Variants in PPAN observed in about 807,000 individuals in gnomAD.
PPAN encodes the protein suppressor of SWI4 1 homolog.
In PPAN, 39 loss-of-function variants were observed where a neutral mutation model predicts 48.5. The ratio of observed to expected loss-of-function variants is 0.80; its 90% CI spans 0.62 to 1.05. The LOEUF is 1.05. Ranked by LOEUF, PPAN falls within the 50% of genes least tolerant of loss-of-function variation. The pLI is 0.00. For missense variants in PPAN, 736 were observed against 661.7 expected, an observed-to-expected ratio of 1.11 and a Z score of -1.23; for synonymous variants, 315 against 268.6, an observed-to-expected ratio of 1.17 and a Z score of -1.69.
Position 10,107,970 on chromosome 19 carries a change from C to G in PPAN, c.349C>G (p.Leu117Val). Residue 117 changes from leucine (L) to valine (V), a missense_variant, in exon 5 of 12, where the codon CTG (leucine) becomes GTG (valine). Transcript: ENST00000253107. Reference sequence around the variant, plus strand: ...CCTCTCTCCTGTCCTACAGTACTCGCTGGTGCGTGATGTGGTCTCCTCACT... The same window carrying G: ...CCTCTCTCCTGTCCTACAGTACTCGGTGGTGCGTGATGTGGTCTCCTCACT... Reference protein sequence around the residue: ...TLTFQVKKYSLVRDVVSSLRR... With the variant: ...TLTFQVKKYSVVRDVVSSLRR... The G allele has an allele frequency of 1.2e-6, 2 of 1,607,554 alleles. No individual in the cohort carries two copies. Among genetic ancestry groups the G allele is most frequent in the Non-Finnish European group, 8.5e-7 (1 of 1,176,148 alleles).
chr19:10,106,874 C>T (rs567422887), intron 2 of PPAN: 7 of 847,032 alleles, frequency 8.3e-6, no homozygotes, highest in South Asian at 1.8e-5. Flanking sequence ...TAGATAGTCG[C>T]CTAAGCCTGA....
chr19:10,106,636 C>G lies in PPAN; in HGVS notation c.154C>G (p.Arg52Gly). The G allele has an allele frequency of 6.5e-7, 1 of 1,547,048 alleles. No individual in the cohort carries two copies. Among genetic ancestry groups the G allele is most frequent in the Non-Finnish European group, 8.7e-7 (1 of 1,146,150 alleles). The part of the protein sequence containing the change: ...NIRQLSLDVR[R>G]VMEPLTASRL... ...CCGGCAGCTCAGCCTGGACGTGCGGCGGGTCATGGAGCCGCTCACTGCCAG... is the reference window on the plus strand; with the variant it reads ...CCGGCAGCTCAGCCTGGACGTGCGGGGGGTCATGGAGCCGCTCACTGCCAG... Residue 52 changes from arginine (R) to glycine (G), a missense_variant, in exon 2 of 12, where the codon CGG becomes GGG. Coordinates refer to ENST00000253107, the MANE Select transcript of PPAN (RefSeq NM_020230.7).
In PPAN at chr19:10,111,318, G is replaced by A; in HGVS notation, c.*153G>A. 3 of 979,272 alleles carry A rather than the reference G, an allele frequency of 3.1e-6. No homozygotes were observed. The highest frequency in any genetic ancestry group is 3.5e-5 in the South Asian group (2 of 57,088). The allele number at this position is 979,272 out of a possible 1,614,324, so 60.7% of individuals were successfully genotyped here. A position where few individuals can be genotyped will look rare whatever the true frequency, so the allele number is the denominator to read the frequency against. ...GCCAGGGGTCCACGTCAGCGTTTGG[G>A]ATGGGGGATTCTGGAGCCATACAAA... On this transcript the variant is annotated 3_prime_UTR_variant, in exon 12 of 12. Transcript: ENST00000253107.
In PPAN at chr19:10,110,490, A is replaced by C. The variant is rs2089012996; in HGVS notation, c.907A>C (p.Lys303Gln). 2 of 1,612,412 alleles carry C rather than the reference A, an allele frequency of 1.2e-6. No individual in the cohort carries two copies. The highest frequency in any genetic ancestry group is 2.7e-5 in the African/African-American group (2 of 74,882). ...GKVMFHSFVS[K>Q]TEEELQAILE... ...ACCCGCGTCTCTTGGCTCAGTGAGCAAGACGGAGGAGGAGCTGCAGGCCAT... is the reference window on the plus strand; with the variant it reads ...ACCCGCGTCTCTTGGCTCAGTGAGCCAGACGGAGGAGGAGCTGCAGGCCAT... Residue 303 changes from lysine to glutamine, a missense_variant, in exon 10 of 12, where the codon AAG (lysine) becomes CAG (glutamine). Physicochemically the swap from Lys to Gln is moderately conservative, Grantham distance 53. Transcript: ENST00000253107. This position sits in a 1 kb window ranked among gnomAD's most constrained non-coding sequence, Gnocchi z 5.9.
In PPAN at chr19:10,110,607, G is replaced by A. The variant is rs578142391; in HGVS notation, c.1024G>A (p.Ala342Thr). The change falls in exon 10 of 12, where the codon GCC becomes ACC. Residue 342 changes from alanine to threonine, a missense_variant. Coordinates refer to ENST00000253107, the MANE Select transcript of PPAN (RefSeq NM_020230.7). The surrounding 1 kb of genome is among the most constrained non-coding windows in gnomAD (Gnocchi z 5.9). ...NVQRKQEQRE[A>T]HRKKSLEGMK... ...GCAGCGCAAGCAGGAGCAGCGGGAG[G>A]CCCACAGGTCCAGGCAGAGCTGGGA... 1.7e-5 allele frequency: 27 copies of A among 1,605,058 alleles called. No individual in the cohort carries two copies. Among genetic ancestry groups the A allele is most frequent in the Non-Finnish European group, 2.2e-5 (26 of 1,176,418 alleles).
rs747746401 is a variant in PPAN at position 10,110,792 on chromosome 19, G to A, written c.1127G>A (p.Gly376Asp). The A allele has an allele frequency of 5.0e-6, 8 of 1,614,050 alleles. No homozygotes were observed. Among genetic ancestry groups the A allele is most frequent in the Non-Finnish European group, 6.8e-6 (8 of 1,180,006 alleles). Residue 376 changes from glycine (G) to aspartate (D), a missense_variant, in exon 11 of 12, where the codon GGT becomes GAT. Gly to Asp is a moderately conservative substitution (Grantham distance 94). Coordinates refer to ENST00000253107, the MANE Select transcript of PPAN (RefSeq NM_020230.7). This position sits in a 1 kb window ranked among gnomAD's most constrained non-coding sequence, Gnocchi z 5.9. The part of the protein sequence containing the change: ...IPSRTASLEL[G>D]EDDDEQEDDD... ...TCAAGGACGGCGAGCCTGGAGTTGG[G>A]TGAGGACGATGATGAACAGGAAGAT...
Position 10,110,759 on chromosome 19 carries a change from G to T in PPAN, c.1094G>T (p.Gly365Val), listed in dbSNP as rs139878079. ...RVGGSDEEAS[G>V]IPSRTASLEL... ...GGGGGTAGTGATGAAGAGGCCTCTG[G>T]GATCCCTTCAAGGACGGCGAGCCTG... Residue 365 changes from glycine (G) to valine (V), a missense_variant, in exon 11 of 12, where the codon GGG becomes GTG. Coordinates refer to ENST00000253107, the MANE Select transcript of PPAN (RefSeq NM_020230.7). The surrounding 1 kb of genome is among the most constrained non-coding windows in gnomAD (Gnocchi z 5.9). 6.2e-7 allele frequency: 1 copy of T among 1,613,808 alleles called. No individual in the cohort carries two copies. Among genetic ancestry groups the T allele is most frequent in the Non-Finnish European group, 8.5e-7 (1 of 1,179,988 alleles).
chr19:10,107,662 C>T (rs1050958174), intron 3 of PPAN, 56 bp downstream of exon 3: 1 of 1,594,212 alleles, frequency 6.3e-7, no homozygotes, highest in Non-Finnish European at 8.6e-7. Flanking sequence ...CCCTATCTCT[C>T]ATGATGAACA....
Position 10,107,424 on chromosome 19 carries a change from A to G in PPAN, c.190-81A>G. Reference sequence around the variant, plus strand: ...AAGGGTCAGATGCAAGACAGACCATAACAGGATCTGCACCGTCAGCTTATA... The same window carrying G: ...AAGGGTCAGATGCAAGACAGACCATGACAGGATCTGCACCGTCAGCTTATA... On this transcript the variant is annotated intron_variant, in intron 2 of 11. Coordinates refer to ENST00000253107, the MANE Select transcript of PPAN (RefSeq NM_020230.7). 4 of 1,476,964 alleles carry G rather than the reference A, an allele frequency of 2.7e-6. No individual in the cohort carries two copies. In the African/African-American group the frequency reaches 4.2e-5, roughly 15 times the overall value. The allele number at this position is 1,476,964 out of a possible 1,614,324, so 91.5% of individuals were successfully genotyped here.
At position 10,110,306 on chromosome 19, in the gene PPAN, T is replaced by G. The variant is rs770097072; in HGVS notation, c.823-18T>G. The G allele has an allele frequency of 1.9e-6, 3 of 1,613,600 alleles. No homozygotes were observed. Among genetic ancestry groups the G allele is most frequent in the Non-Finnish European group, 8.5e-7 (1 of 1,179,938 alleles). On this transcript the variant is annotated intron_variant, in intron 8 of 11. Coordinates refer to ENST00000253107, the MANE Select transcript of PPAN (RefSeq NM_020230.7). This position sits in a 1 kb window ranked among gnomAD's most constrained non-coding sequence, Gnocchi z 5.9. The stretch of plus-strand genomic sequence containing the variant: ...CCAGTCCCAACGGTGGGCTGACGCT[T>G]CTTCCTCGTCCCCTCAGATCGGCCC...
chr19:10,109,266 C>CT (rs897356796), intron 5 of PPAN, among the ~76,000 whole-genome samples: 16 of 151,338 alleles, frequency 1.1e-4, no homozygotes, highest in South Asian at 2.1e-4. Flanking sequence ...GCCTTCTTTA[C>CT]TTTTTTTTTA....
Position 10,110,240 on chromosome 19 carries a change from C to G in PPAN, c.816C>G (p.Leu272=). The G allele has an allele frequency of 6.2e-7, 1 of 1,611,698 alleles. No individual in the cohort carries two copies. The highest frequency in any genetic ancestry group is 8.5e-7 in the Non-Finnish European group (1 of 1,179,666). ...NMRAQQSAVR[L]TEIGPRMTLQ... Reference sequence around the variant, plus strand: ...GGGCCCAGCAGAGTGCAGTGCGGCTCACCGAGGTGAGGCCCAGGGCAGGGG... The same window carrying G: ...GGGCCCAGCAGAGTGCAGTGCGGCTGACCGAGGTGAGGCCCAGGGCAGGGG... Residue 272 remains leucine, a synonymous_variant, in exon 8 of 12, where the codon CTC becomes CTG. Transcript: ENST00000253107. The surrounding 1 kb of genome is among the most constrained non-coding windows in gnomAD (Gnocchi z 5.9).
chr19:10,106,258 T>G, upstream of PPAN: 4 of 1,449,054 alleles, frequency 2.8e-6, no homozygotes, highest in Non-Finnish European at 3.7e-6. Context: ...TGATTGCCCC[T>G]CCCCGCTCCC....
Position 10,111,451 on chromosome 19 carries a change from GGCA to G in PPAN, c.*295_*297del, listed in dbSNP as rs2089071933. ...CCTGCACGGGGTTGGTTTCATTGGT[GGCA>G]GCAGCAGCCATGAGTGGCCCCTCCC... On this transcript the variant is annotated 3_prime_UTR_variant, in exon 12 of 12. Transcript: ENST00000253107. 4.8e-6 allele frequency: 3 copies of G among 621,402 alleles called. No homozygotes were observed. The highest frequency in any genetic ancestry group is 5.6e-6 in the Non-Finnish European group (2 of 356,362). The allele number at this position is 621,402 out of a possible 1,614,324, so 38.5% of individuals were successfully genotyped here. A position where few individuals can be genotyped will look rare whatever the true frequency, so the allele number is the denominator to read the frequency against.
Position 10,111,315 on chromosome 19 carries a change from T to G in PPAN, c.*150T>G. ...TTGGCCAGGGGTCCACGTCAGCGTT[T>G]GGGATGGGGGATTCTGGAGCCATAC... is the stretch of plus-strand genomic sequence containing the variant. On this transcript the variant is annotated 3_prime_UTR_variant, in exon 12 of 12. Coordinates refer to ENST00000253107, the MANE Select transcript of PPAN (RefSeq NM_020230.7). 1.0e-6 allele frequency: 1 copy of G among 990,822 alleles called. No homozygotes were observed. Among genetic ancestry groups the G allele is most frequent in the East Asian group, 2.6e-5 (1 of 37,984 alleles). 61.4% of individuals were successfully genotyped at this position (990,822 alleles called of 1,614,324 possible). A position where few individuals can be genotyped will look rare whatever the true frequency, so the allele number is the denominator to read the frequency against.
At position 10,110,037 on chromosome 19, in the gene PPAN, G is replaced by A. The variant is rs2088991256; in HGVS notation, c.698+17G>A. ...GCTGGCCACGTGAGGAGGGCATAGG[G>A]CGGGAGGCCACTGCGGCCCGGGGAC... On this transcript the variant is annotated intron_variant, in intron 7 of 11. Coordinates refer to ENST00000253107, the MANE Select transcript of PPAN (RefSeq NM_020230.7). This position sits in a 1 kb window ranked among gnomAD's most constrained non-coding sequence, Gnocchi z 5.9. The A allele has an allele frequency of 2.5e-6, 4 of 1,613,046 alleles. No homozygotes were observed. The highest frequency in any genetic ancestry group is 1.7e-5 in the Admixed American group (1 of 60,020).
chr19:10,111,454 A>G lies in PPAN; in HGVS notation c.*289A>G, dbSNP rs1379114651. ...GCACGGGGTTGGTTTCATTGGTGGC[A>G]GCAGCAGCCATGAGTGGCCCCTCCC... On this transcript the variant is annotated 3_prime_UTR_variant, in exon 12 of 12. Coordinates refer to ENST00000253107, the MANE Select transcript of PPAN (RefSeq NM_020230.7). The G allele has an allele frequency of 8.1e-6, 5 of 621,002 alleles. No individual in the cohort carries two copies. The highest frequency in any genetic ancestry group is 5.9e-5 in the Admixed American group (2 of 34,106). The allele number at this position is 621,002 out of a possible 1,614,324, so 38.5% of individuals were successfully genotyped here. A position where few individuals can be genotyped will look rare whatever the true frequency, so the allele number is the denominator to read the frequency against.
In PPAN at chr19:10,109,954, A is replaced by T; in HGVS notation, c.632A>T (p.Lys211Met). The T allele has an allele frequency of 6.2e-7, 1 of 1,614,064 alleles. No homozygotes were observed. The highest frequency in any genetic ancestry group is 8.5e-7 in the Non-Finnish European group (1 of 1,179,968). ...CCTGTGGGCGCGAGTCGCGGGATGA[A>T]GAAGCTGCTCCAGGAGAAGTTCCCC... Reference protein sequence around the residue: ...VVPVGASRGMKKLLQEKFPNM... With the variant: ...VVPVGASRGMMKLLQEKFPNM... The change falls in exon 7 of 12, where the codon AAG (lysine) becomes ATG (methionine). Residue 211 changes from lysine to methionine, a missense_variant. Coordinates refer to ENST00000253107, the MANE Select transcript of PPAN (RefSeq NM_020230.7).
chr19:10,107,484 T>A, intron 2 of PPAN, 21 bp from the exon 3 acceptor site: 1 of 1,611,670 alleles, frequency 6.2e-7, no homozygotes, highest in Non-Finnish European at 8.5e-7. Context: ...TGTTTTCTTT[T>A]TTTCTTTTTG....
Sources: gnomAD v4.1 joint callset for allele counts (sites outside exome capture counted in the v4.1 genomes callset) on GRCh38, gnomAD v4.1.1 for gene constraint, Gnocchi (gnomAD v3.1) non-coding constraint, MANE v1.5 for transcripts, NCBI Gene and HGNC (gene_info 2026-07-23, HGNC 2026-07-21) for gene names.